The following KCNAB1 variants were observed in gnomAD, a reference collection of about 807,000 sequenced individuals.
KCNAB1 encodes the protein voltage-gated potassium channel subunit beta-1.
A neutral mutation model predicts 64.6 loss-of-function variants in KCNAB1; 35 were observed. The observed-to-expected ratio is 0.54, with a 90% CI of 0.41 to 0.72. The LOEUF (loss-of-function observed/expected upper bound fraction) is 0.72, where lower values mean the gene tolerates loss of function less well. Ranked by LOEUF, KCNAB1 falls within the 30% of genes least tolerant of loss-of-function variation. KCNAB1 has a pLI of 0.00. For missense variants in KCNAB1, 401 were observed against 512.9 expected (o/e 0.78, Z 2.11); for synonymous variants, 177 against 183.8 (o/e 0.96, Z 0.30).
At chr3:156,197,417 G>T (rs893151083) in intron 1 of KCNAB1, among the ~76,000 whole-genome samples, 1 of 152,056 alleles carries the variant, frequency 6.6e-6, no homozygotes. Flanking sequence ...GTATAATTTG[G>T]CTGTGAATCC....
At chr3:156,222,582 A>G (rs1207366492) in intron 1 of KCNAB1, among the ~76,000 whole-genome samples, 1 of 152,220 alleles carries the variant, frequency 6.6e-6, no homozygotes, top group Non-Finnish European at 1.5e-5. Flanking sequence ...AATTGACTCA[A>G]CAGATATATT....
chr3:156,407,584 C>T (rs1264391220), intron 1 of KCNAB1, among the ~76,000 whole-genome samples: 1 of 152,188 alleles, frequency 6.6e-6, no homozygotes, highest in Non-Finnish European at 1.5e-5. Context: ...GAGATATGGT[C>T]TTTTAAAGTT....
chr3:156,402,527 A>C (rs1713978992), intron 1 of KCNAB1, among the ~76,000 whole-genome samples: 1 of 152,228 alleles, frequency 6.6e-6, no homozygotes, highest in South Asian at 2.1e-4. Context: ...TTTAATGATA[A>C]ATCTAGAGGT....
intron 8 of KCNAB1, among the ~76,000 whole-genome samples, chr3:156,490,343 A>G (rs1229711128): frequency 6.6e-6 from 1 of 152,180 alleles, no homozygotes; most frequent in Non-Finnish European, 1.5e-5. Flanking sequence ...TTAGTGCTTT[A>G]TTCTTAAATG....
At chr3:156,181,112 G>A (rs967780117) in intron 1 of KCNAB1, among the ~76,000 whole-genome samples, 2 of 152,114 alleles carry the variant, frequency 1.3e-5, no homozygotes, top group African/African-American at 4.8e-5. Context: ...TTAGATTAGA[G>A]CACACCCTAA....
intron 1 of KCNAB1, among the ~76,000 whole-genome samples, chr3:156,344,208 A>AT (rs1724327218): frequency 6.6e-6 from 1 of 152,198 alleles, no homozygotes; most frequent in African/African-American, 2.4e-5. Flanking sequence ...ATCTATTAGG[A>AT]TTATAAAGGA....
chr3:156,335,336 T>G (rs1195725577), intron 1 of KCNAB1, among the ~76,000 whole-genome samples: 1 of 152,212 alleles, frequency 6.6e-6, no homozygotes, highest in Non-Finnish European at 1.5e-5. Context: ...TGCTTTTTCT[T>G]CTGCCTCTAA....
intron 1 of KCNAB1, chr3:156,291,711 T>C: frequency 2.1e-6 from 3 of 1,430,112 alleles, no homozygotes; most frequent in Non-Finnish European, 2.7e-6. Flanking sequence ...GGGGACTCTT[T>C]CCTGCATCGC....
At chr3:156,469,248 CTTTTTTTTTTTT>C (rs34567814) in intron 7 of KCNAB1, among the ~76,000 whole-genome samples, 3 of 72,956 alleles carry the variant, frequency 4.1e-5, no homozygotes, top group African/African-American at 5.7e-5. Flanking sequence ...TTCTTTCTTT[CTTTTTTTTTTTT>C]TTTTTTTTTT....
intron 1 of KCNAB1, among the ~76,000 whole-genome samples, chr3:156,386,637 C>G (rs1712615239): frequency 6.6e-6 from 1 of 152,044 alleles, no homozygotes; most frequent in African/African-American, 2.4e-5. Flanking sequence ...CCTTTCCTGC[C>G]CTGCTCATGC....
chr3:156,531,399 C>G lies in KCNAB1; in HGVS notation c.1082-10C>G. The stretch of plus-strand genomic sequence containing the variant: ...CTTTGATAAACTGACCCAGTGTCCT[C>G]TCCTCCCAGCGTGGTGCCTGAGAAA... On this transcript the variant is annotated splice_polypyrimidine_tract_variant and intron_variant, in intron 12 of 13. Coordinates refer to ENST00000490337, the MANE Select transcript of KCNAB1 (RefSeq NM_172160.3). 1 of 1,605,318 alleles carries G rather than the reference C, an allele frequency of 6.2e-7. No individual in the cohort carries two copies. Among genetic ancestry groups the G allele is most frequent in the South Asian group, 1.1e-5 (1 of 90,910 alleles).
At chr3:156,312,618 A>G (rs1721983325) in intron 1 of KCNAB1, among the ~76,000 whole-genome samples, 1 of 135,604 alleles carries the variant, frequency 7.4e-6, no homozygotes, top group East Asian at 2.3e-4. Flanking sequence ...AGGCTGAGGC[A>G]GGAGAATCGC....
At position 156,157,160 on chromosome 3, in the gene KCNAB1, G is replaced by A. The variant is rs137968451; in HGVS notation, c.275+36274G>A. On this transcript the variant is annotated intron_variant, in intron 1 of 13. Coordinates refer to ENST00000490337, the MANE Select transcript of KCNAB1 (RefSeq NM_172160.3). ...AACATGGAGGCCACTATTTATAAGA[G>A]CAGAGAGAAAAACGTATCTTACTTT... 7.9e-5 allele frequency among the ~76,000 whole-genome samples: 12 copies of A among 152,304 alleles called. No homozygotes were observed. In the East Asian group the frequency reaches 2.3e-3, roughly 29 times the overall value.
At chr3:156,483,846 C>G (rs1456744225) in intron 8 of KCNAB1, among the ~76,000 whole-genome samples, 3 of 152,088 alleles carry the variant, frequency 2.0e-5, no homozygotes, top group African/African-American at 7.2e-5. Context: ...CCCTGGTTAA[C>G]AAATGATCTT....
chr3:156,350,542 C>T (rs2108083457), intron 1 of KCNAB1, among the ~76,000 whole-genome samples: 1 of 150,596 alleles, frequency 6.6e-6, no homozygotes, highest in Middle Eastern at 3.5e-3. Flanking sequence ...ATTTTCCTCA[C>T]AGGGAAAAAT....
At chr3:156,474,856 C>A in intron 8 of KCNAB1, 36 bp downstream of exon 8, 1 of 1,499,056 alleles carries the variant, frequency 6.7e-7, no homozygotes, top group Non-Finnish European at 9.3e-7. Context: ...CTCTAGAAAT[C>A]TTGATTCAGT....
chr3:156,371,992 A>G (rs1429157083), intron 1 of KCNAB1, among the ~76,000 whole-genome samples: 1 of 152,214 alleles, frequency 6.6e-6, no homozygotes, highest in African/African-American at 2.4e-5. Flanking sequence ...TTTTTTGTTC[A>G]TTATAAGCAA....
At chr3:156,248,141 C>T (rs1717577282) in intron 1 of KCNAB1, among the ~76,000 whole-genome samples, 1 of 152,152 alleles carries the variant, frequency 6.6e-6, no homozygotes, top group Non-Finnish European at 1.5e-5. Context: ...TAACAAATTG[C>T]ACTATTTGTT....
intron 1 of KCNAB1, among the ~76,000 whole-genome samples, chr3:156,238,415 TG>T (rs1440496211): frequency 2.4e-5 from 3 of 124,204 alleles, no homozygotes; most frequent in Non-Finnish European, 4.9e-5. Context: ...GAGCGAGACT[TG>T]GTCTCAAAAA....
Sources: gnomAD v4.1 joint callset for allele counts (sites outside exome capture counted in the v4.1 genomes callset) on GRCh38, gnomAD v4.1.1 for gene constraint, MANE v1.5 for transcripts, NCBI Gene and HGNC (gene_info 2026-07-23, HGNC 2026-07-21) for gene names.